PCDHGA9: variants seen among roughly 807,000 people sequenced by gnomAD.
PCDHGA9 encodes protocadherin gamma subfamily A, 9.
Under a neutral mutation model 62.5 loss-of-function variants are expected in PCDHGA9, and 37 were observed. The observed-to-expected ratio is 0.59, with a 90% CI of 0.46 to 0.78. The LOEUF is 0.78. Ranked by LOEUF, PCDHGA9 falls within the 30% of genes least tolerant of loss-of-function variation. The pLI, the probability that PCDHGA9 is intolerant of heterozygous loss-of-function variation, is 0.00. For missense variants in PCDHGA9, 1,138 were observed against 1,166.2 expected (o/e 0.98, Z 0.35); for synonymous variants, 459 against 484.6 (o/e 0.95, Z 0.69).
In PCDHGA9 at chr5:141,432,700, G is replaced by C. The variant is rs1320099367; in HGVS notation, c.2424+27324G>C. 4 of 1,613,980 alleles carry C rather than the reference G, an allele frequency of 2.5e-6. No individual in the cohort carries two copies. In the Admixed American group the frequency reaches 6.7e-5, roughly 27 times the overall value. ...AGCAGAGCCTCGTAGTGGCCGTCCA[G>C]GACCACGGCCAGCCCCCTCTCTCCG... On this transcript the variant is annotated intron_variant, in intron 1 of 3. Coordinates refer to ENST00000573521, the MANE Select transcript of PCDHGA9 (RefSeq NM_018921.3). The surrounding 1 kb of genome is among the most constrained non-coding windows in gnomAD (Gnocchi z 6.0).
chr5:141,421,054 A>C, intron 1 of PCDHGA9: 2 of 571,978 alleles, frequency 3.5e-6, no homozygotes, highest in Non-Finnish European at 6.0e-6. Context: ...CGCCTCTACC[A>C]CACAAAGCGG....
intron 1 of PCDHGA9, among the ~76,000 whole-genome samples, chr5:141,445,923 T>C (rs1169404585): frequency 6.6e-6 from 1 of 152,200 alleles, no homozygotes; most frequent in Non-Finnish European, 1.5e-5. Context: ...AGTGACAAGA[T>C]ATTTGAATTA....
Position 141,486,278 on chromosome 5 carries a change from G to C in PCDHGA9, c.2425-8529G>C, listed in dbSNP as rs774763063. On this transcript the variant is annotated intron_variant, in intron 1 of 3. Coordinates refer to ENST00000573521, the MANE Select transcript of PCDHGA9 (RefSeq NM_018921.3). The surrounding 1 kb of genome is among the most constrained non-coding windows in gnomAD (Gnocchi z 5.0). ...CGAGAGTGCAGAACCTGGCACTGTG[G>C]TGGCACTTATCAGTGTGCAGGATCC... is the stretch of plus-strand genomic sequence containing the variant. 4 of 1,613,970 alleles carry C rather than the reference G, an allele frequency of 2.5e-6. No individual in the cohort carries two copies. In the South Asian group the frequency reaches 4.4e-5, roughly 18 times the overall value.
intron 1 of PCDHGA9, chr5:141,408,623 G>T: frequency 6.2e-7 from 1 of 1,614,004 alleles, no homozygotes; most frequent in Non-Finnish European, 8.5e-7. Context: ...AATACATTTA[G>T]AAATTTTCGA....
intron 1 of PCDHGA9, chr5:141,416,753 G>A (rs1168212796): frequency 1.3e-5 from 2 of 152,154 alleles, no homozygotes; most frequent in Non-Finnish European, 2.9e-5. Context: ...GACGTATTAG[G>A]TAGATCTCTT....
intron 1 of PCDHGA9, chr5:141,419,836 G>A (rs756561978): frequency 1.9e-6 from 3 of 1,613,958 alleles, no homozygotes. Context: ...CCACTGCCAC[G>A]CTGCACCTGG....
chr5:141,471,906 G>A (rs1376234079), intron 1 of PCDHGA9, among the ~76,000 whole-genome samples: 2 of 152,192 alleles, frequency 1.3e-5, no homozygotes, highest in African/African-American at 4.8e-5. Context: ...CTACAGACAA[G>A]CATGAGGGAA....
chr5:141,417,663 C>T (rs2096144136), intron 1 of PCDHGA9: 8 of 901,900 alleles, frequency 8.9e-6, no homozygotes, highest in Non-Finnish European at 1.3e-5. Flanking sequence ...CCTGGGATTC[C>T]CTGCGCAGCC....
rs771759945 is a variant in PCDHGA9, at chr5:141,405,371, G to A, written c.2419G>A (p.Val807Ile). 49 of 1,598,874 alleles carry A rather than the reference G, an allele frequency of 3.1e-5. No individual in the cohort carries two copies. The highest frequency in any genetic ancestry group is 3.7e-5 in the Non-Finnish European group (43 of 1,176,096). ...SKFPIEDTPLVPQAPPNTDWR... is the reference protein window; with the variant it reads ...SKFPIEDTPLIPQAPPNTDWR... ...GTTTCCTATAGAAGACACCCCTTTG[G>A]TTCCGGTGAGTTCATTTTTTTTCTT... Residue 807 changes from valine to isoleucine, a missense_variant, in exon 1 of 4, where the codon GTT (valine) becomes ATT (isoleucine). Physicochemically the swap from Val to Ile is conservative, Grantham distance 29 (BLOSUM62 3). Transcript: ENST00000573521.
intron 2 of PCDHGA9, among the ~76,000 whole-genome samples, chr5:141,502,865 T>C (rs538731947): frequency 3.0e-5 from 4 of 131,428 alleles, no homozygotes; most frequent in Non-Finnish European, 6.3e-5. Context: ...TGACTCTCTG[T>C]CTTTTTTTTT....
chr5:141,408,021 A>C (rs2095027284), intron 1 of PCDHGA9: 1 of 1,036,444 alleles, frequency 9.6e-7, no homozygotes, highest in Non-Finnish European at 1.3e-6. Context: ...AGCCAACAAC[A>C]GAAAGAAGAA....
intron 1 of PCDHGA9, among the ~76,000 whole-genome samples, chr5:141,425,165 A>G (rs1391395593): frequency 6.6e-6 from 1 of 152,140 alleles, no homozygotes; most frequent in Non-Finnish European, 1.5e-5. Flanking sequence ...TAGGGATAGG[A>G]TTTATACTTG....
At chr5:141,409,831 C>A (rs1015263434) in intron 1 of PCDHGA9, 1 of 1,611,128 alleles carries the variant, frequency 6.2e-7, no homozygotes, top group African/African-American at 1.3e-5. Flanking sequence ...CCACGCTCAG[C>A]GCCAACGTGA....
At chr5:141,405,667 G>A (rs911046478) in intron 1 of PCDHGA9, among the ~76,000 whole-genome samples, 10 of 152,044 alleles carry the variant, frequency 6.6e-5, no homozygotes, top group Non-Finnish European at 7.4e-5. Flanking sequence ...TAGTAGAGAC[G>A]GGGTGTCACC....
At chr5:141,436,324 G>A (rs972756085) in intron 1 of PCDHGA9, among the ~76,000 whole-genome samples, 10 of 152,134 alleles carry the variant, frequency 6.6e-5, no homozygotes, top group African/African-American at 2.4e-4. Flanking sequence ...AAGACTGTTA[G>A]ACCATATCTC....
At chr5:141,418,876 C>A (rs917800201) in intron 1 of PCDHGA9, 1 of 1,613,844 alleles carries the variant, frequency 6.2e-7, no homozygotes. Context: ...AAGTTGTAGA[C>A]GAAAACGACA....
chr5:141,424,018 CACAA>C (rs909442976), intron 1 of PCDHGA9: 3 of 1,051,682 alleles, frequency 2.9e-6, no homozygotes, highest in South Asian at 4.6e-5. Context: ...ATTAATGATT[CACAA>C]ACACTTTTTA....
chr5:141,415,744 T>TG (rs2095925177), intron 1 of PCDHGA9: 4 of 404,428 alleles, frequency 9.9e-6, no homozygotes, highest in Admixed American at 2.1e-4. Flanking sequence ...ATTAAGGTTT[T>TG]TTTTTTTTTT....
chr5:141,494,607 C>T (rs2099755630), intron 1 of PCDHGA9, among the ~76,000 whole-genome samples, 200 bp from the exon 2 acceptor site: 2 of 152,092 alleles, frequency 1.3e-5, no homozygotes, highest in South Asian at 2.1e-4. Flanking sequence ...TGTGATTTAT[C>T]TCTTGGTTTC....
Sources: gnomAD v4.1 joint callset for allele counts (sites outside exome capture counted in the v4.1 genomes callset) on GRCh38, gnomAD v4.1.1 for gene constraint, Gnocchi (gnomAD v3.1) non-coding constraint, MANE v1.5 for transcripts, NCBI Gene and HGNC (gene_info 2026-07-23, HGNC 2026-07-21) for gene names.